KBTBD8: variants seen among roughly 807,000 people sequenced by gnomAD.
KBTBD8 encodes the protein kelch repeat and BTB domain containing 8.
A neutral mutation model predicts 53.5 loss-of-function variants in KBTBD8; 31 were observed. That is an observed-to-expected ratio of 0.58 (90% CI 0.44 to 0.78). KBTBD8 has a LOEUF of 0.78. Ranked by LOEUF, KBTBD8 falls within the 30% of genes least tolerant of loss-of-function variation. The pLI is 0.00. For synonymous variants in KBTBD8, 250 were observed against 247.3 expected, an observed-to-expected ratio of 1.01 and a Z score of -0.10; for missense variants, 642 against 735.8, an observed-to-expected ratio of 0.87 and a Z score of 1.48.
At position 67,008,127 on chromosome 3, in the gene KBTBD8, A is replaced by G. The variant is rs1702085748; in HGVS notation, c.1548A>G (p.Pro516=). 3 of 1,614,114 alleles carry G rather than the reference A, an allele frequency of 1.9e-6. No homozygotes were observed. The highest frequency in any genetic ancestry group is 3.3e-5 in the Admixed American group (2 of 60,006). The change falls in exon 4 of 4, where the codon CCA becomes CCG. Residue 516 remains proline, a synonymous_variant. Coordinates refer to ENST00000417314, the MANE Select transcript of KBTBD8 (RefSeq NM_032505.3). The part of the protein sequence containing the change: ...LNKWTRKKDF[P]CDQSINPYLK... ...AATGGACTCGTAAGAAAGACTTTCC[A>G]TGTGATCAGTCCATAAATCCATACC...
At chr3:67,007,797 T>C in intron 3 of KBTBD8, 125 bp from the exon 4 acceptor site, 1 of 572,776 alleles carries the variant, frequency 1.7e-6, no homozygotes, top group Middle Eastern at 4.6e-4. Context: ...ATAAAAGAAA[T>C]GTTTTAGAAA....
Position 67,003,766 on chromosome 3 carries a change from GA to G in KBTBD8, c.803del (p.Lys268ArgfsTer15). 1 of 1,614,148 alleles carries G rather than the reference GA, an allele frequency of 6.2e-7. No individual in the cohort carries two copies. The highest frequency in any genetic ancestry group is 8.5e-7 in the Non-Finnish European group (1 of 1,180,018). On this transcript the variant is annotated frameshift_variant, in exon 3 of 4. Coordinates refer to ENST00000417314, the MANE Select transcript of KBTBD8 (RefSeq NM_032505.3). LOFTEE classifies it high-confidence loss of function. ...ACAGGCTATAGCCAAAAGCTGTGTA[GA>G]AAAGGGACCATCCAACACCAATGGC... ...FAQAIAKSCV[E>X]KGPSNTNGCT...
At position 67,004,215 on chromosome 3, in the gene KBTBD8, T is replaced by G; in HGVS notation, c.1248T>G (p.Ser416Arg). Residue 416 changes from serine to arginine, a missense_variant, in exon 3 of 4, where the codon AGT (serine) becomes AGG (arginine). Physicochemically the swap from Ser to Arg is moderately radical, Grantham distance 110. Transcript: ENST00000417314. ...TAAAATCTGTTGAGTGCTACGACAG[T>G]AGAGAGAATTGTTGGACGACTGTTT... ...NSLKSVECYD[S>R]RENCWTTVCA... 2 of 1,614,130 alleles carry G rather than the reference T, an allele frequency of 1.2e-6. No homozygotes were observed. The highest frequency in any genetic ancestry group is 2.2e-5 in the South Asian group (2 of 91,082).
intron 3 of KBTBD8, among the ~76,000 whole-genome samples, chr3:67,006,892 T>C (rs1359808165): frequency 2.6e-5 from 4 of 152,338 alleles, no homozygotes; most frequent in Middle Eastern, 3.4e-3. Context: ...ATGCTATAAT[T>C]AGCAAAACTA....
At position 66,998,977 on chromosome 3, in the gene KBTBD8, C is replaced by T. The variant is rs755309893; in HGVS notation, c.17-4C>T. ...TTGTAGTTGTACGATTTTTCTCCTCCTAGATTTAAGTAAGTCTTCCCCAAC... is the reference window on the plus strand; with the variant it reads ...TTGTAGTTGTACGATTTTTCTCCTCTTAGATTTAAGTAAGTCTTCCCCAAC... On this transcript the variant is annotated splice_region_variant and splice_polypyrimidine_tract_variant and intron_variant, in intron 1 of 3. Coordinates refer to ENST00000417314, the MANE Select transcript of KBTBD8 (RefSeq NM_032505.3). The T allele has an allele frequency of 1.3e-6, 2 of 1,587,426 alleles. No homozygotes were observed. Among genetic ancestry groups the T allele is most frequent in the Non-Finnish European group, 1.7e-6 (2 of 1,165,518 alleles).
intron 2 of KBTBD8, among the ~76,000 whole-genome samples, chr3:67,002,027 C>T (rs1418174134): frequency 1.3e-5 from 2 of 151,936 alleles, no homozygotes; most frequent in Non-Finnish European, 2.9e-5. Context: ...CAAGAAAATC[C>T]CATAAATGCA....
chr3:67,004,007 G>C lies in KBTBD8; in HGVS notation c.1040G>C (p.Ser347Thr). ...ATTGCAGGAGGGTACAGGCCAAGCA[G>C]CAGTGAGGTCTCCATCGACCATAAG... ...IYIAGGYRPS[S>T]SEVSIDHKAE... The change falls in exon 3 of 4, where the codon AGC (serine) becomes ACC (threonine). Residue 347 changes from serine (S) to threonine (T), a missense_variant. Transcript: ENST00000417314. 6.2e-7 allele frequency: 1 copy of C among 1,614,180 alleles called. No homozygotes were observed. Among genetic ancestry groups the C allele is most frequent in the African/African-American group, 1.3e-5 (1 of 75,060 alleles).
rs767573265 is a variant in KBTBD8, at chr3:67,007,964, G to C, written c.1385G>C (p.Gly462Ala). 6.2e-7 allele frequency: 1 copy of C among 1,602,154 alleles called. No homozygotes were observed. The highest frequency in any genetic ancestry group is 1.4e-5 in the African/African-American group (1 of 73,782). Residue 462 changes from glycine (G) to alanine (A), a missense_variant, in exon 4 of 4, where the codon GGT (glycine) becomes GCT (alanine). Coordinates refer to ENST00000417314, the MANE Select transcript of KBTBD8 (RefSeq NM_032505.3). ...LFYEPQKDYWGFLTPMTVPRI... is the reference protein window; with the variant it reads ...LFYEPQKDYWAFLTPMTVPRI... ...TATGAGCCTCAAAAAGACTACTGGG[G>C]TTTCTTAACCCCCATGACTGTGCCT... is the stretch of plus-strand genomic sequence containing the variant.
chr3:67,005,943 G>T (rs1702061434), intron 3 of KBTBD8, among the ~76,000 whole-genome samples: 1 of 152,046 alleles, frequency 6.6e-6, no homozygotes, highest in Non-Finnish European at 1.5e-5. Flanking sequence ...TAAAAATTGT[G>T]TTCCTTGCTC....
chr3:67,004,221 GA>G lies in KBTBD8; in HGVS notation c.1256del (p.Asn419IlefsTer46). On this transcript the variant is annotated frameshift_variant, in exon 3 of 4. Transcript: ENST00000417314. LOFTEE classifies it high-confidence loss of function. ...KSVECYDSRENCWTTVCAMPV... is the reference protein window; with the variant it reads ...KSVECYDSREXCWTTVCAMPV... Reference sequence around the variant, plus strand: ...CTGTTGAGTGCTACGACAGTAGAGAGAATTGTTGGACGACTGTTTGCGCGAT... The same window carrying G: ...CTGTTGAGTGCTACGACAGTAGAGAGATTGTTGGACGACTGTTTGCGCGAT... 4 of 1,614,202 alleles carry G rather than the reference GA, an allele frequency of 2.5e-6. No individual in the cohort carries two copies. Among genetic ancestry groups the G allele is most frequent in the Non-Finnish European group, 3.4e-6 (4 of 1,180,030 alleles).
chr3:67,000,049 T>G (rs1702003996), intron 2 of KBTBD8, among the ~76,000 whole-genome samples: 1 of 152,232 alleles, frequency 6.6e-6, no homozygotes. Flanking sequence ...TATTCACAAG[T>G]GGTGCATAAA....
chr3:67,004,015 G>T lies in KBTBD8; in HGVS notation c.1048G>T (p.Val350Phe). 2 of 1,614,194 alleles carry T rather than the reference G, an allele frequency of 1.2e-6. No homozygotes were observed. Among genetic ancestry groups the T allele is most frequent in the Non-Finnish European group, 1.7e-6 (2 of 1,180,040 alleles). The change falls in exon 3 of 4, where the codon GTC (valine) becomes TTC (phenylalanine). Residue 350 changes from valine (V) to phenylalanine (F), a missense_variant. By Grantham distance (50) the Val-to-Phe change is conservative (BLOSUM62 -1). Transcript: ENST00000417314. ...AGGGTACAGGCCAAGCAGCAGTGAG[G>T]TCTCCATCGACCATAAGGCAGAAAA... The part of the protein sequence containing the change: ...AGGYRPSSSE[V>F]SIDHKAENDF...
Position 67,008,916 on chromosome 3 carries a change from T to G in KBTBD8, c.*531T>G, listed in dbSNP as rs1702093906. On this transcript the variant is annotated 3_prime_UTR_variant, in exon 4 of 4. Transcript: ENST00000417314. ...GTACTGAGATTTAAATGTGTTCTAT[T>G]ATTAGAGTAGATCGAAGAAAAAATT... 1 of 152,856 alleles carries G rather than the reference T, an allele frequency of 6.5e-6. No homozygotes were observed. Among genetic ancestry groups the G allele is most frequent in the African/African-American group, 2.4e-5 (1 of 41,446 alleles). The allele number at this position is 152,856 out of a possible 1,614,324, so 9.5% of individuals were successfully genotyped here.
At chr3:67,003,132 A>G in intron 2 of KBTBD8, 63 bp from the exon 3 acceptor site, 1 of 1,494,984 alleles carries the variant, frequency 6.7e-7, no homozygotes, top group Non-Finnish European at 9.1e-7. Flanking sequence ...TACTTTTAAA[A>G]TCTTGCCACA....
chr3:67,008,376 A>C lies in KBTBD8; in HGVS notation c.1797A>C (p.Lys599Asn). 1.9e-6 allele frequency: 3 copies of C among 1,605,348 alleles called. No homozygotes were observed. The highest frequency in any genetic ancestry group is 1.1e-5 in the South Asian group (1 of 90,836). ...AACTGTATCCTCAGTGTCTTCAGAA[A>C]GTACTCTAAATGAGTAGCAGGCCTT... ...VAKLYPQCLQ[K>N]VL The change falls in exon 4 of 4, where the codon AAA becomes AAC. Residue 599 changes from lysine (K) to asparagine (N), a missense_variant. Transcript: ENST00000417314.
At position 67,009,530 on chromosome 3, in the gene KBTBD8, A is replaced by G. The variant is rs1426666879; in HGVS notation, c.*1145A>G. On this transcript the variant is annotated 3_prime_UTR_variant, in exon 4 of 4. Transcript: ENST00000417314. ...AGTTTCATATTACAATTAAAACCTCATTTTTTTTTTCCATTTTTGCACTTA... is the reference window on the plus strand; with the variant it reads ...AGTTTCATATTACAATTAAAACCTCGTTTTTTTTTTCCATTTTTGCACTTA... 6.7e-6 allele frequency: 1 copy of G among 150,214 alleles called. No homozygotes were observed. Among genetic ancestry groups the G allele is most frequent in the Non-Finnish European group, 1.5e-5 (1 of 67,252 alleles). 9.3% of individuals were successfully genotyped at this position (150,214 alleles called of 1,614,324 possible).
rs746720705 is a variant in KBTBD8, at chr3:66,999,202, G to T, written c.227+11G>T. The T allele has an allele frequency of 7.8e-5, 125 of 1,608,568 alleles. No homozygotes were observed. Among genetic ancestry groups the T allele is most frequent in the Non-Finnish European group, 9.4e-5 (110 of 1,175,110 alleles). Reference sequence around the variant, plus strand: ...CAGCCCTTACTTCAGGTATGATGATGGTAGGAACTTCTGTTGGTATCTGCA... The same window carrying T: ...CAGCCCTTACTTCAGGTATGATGATTGTAGGAACTTCTGTTGGTATCTGCA... On this transcript the variant is annotated intron_variant, in intron 2 of 3. Transcript: ENST00000417314.
chr3:67,008,406 C>A lies in KBTBD8; in HGVS notation c.*21C>A. 1 of 1,450,356 alleles carries A rather than the reference C, an allele frequency of 6.9e-7. No individual in the cohort carries two copies. The highest frequency in any genetic ancestry group is 9.5e-7 in the Non-Finnish European group (1 of 1,050,608). 89.8% of individuals were successfully genotyped at this position (1,450,356 alleles called of 1,614,324 possible). On this transcript the variant is annotated 3_prime_UTR_variant, in exon 4 of 4. Coordinates refer to ENST00000417314, the MANE Select transcript of KBTBD8 (RefSeq NM_032505.3). ...TCTAAATGAGTAGCAGGCCTTAGTGCATCACTGGCATCTCATTCTTAGGAA... is the reference window on the plus strand; with the variant it reads ...TCTAAATGAGTAGCAGGCCTTAGTGAATCACTGGCATCTCATTCTTAGGAA...
intron 2 of KBTBD8, 80 bp downstream of exon 2, chr3:66,999,271 A>G (rs1263772191): frequency 4.7e-6 from 5 of 1,074,834 alleles, no homozygotes; most frequent in Non-Finnish European, 7.1e-6. Context: ...TGATGTTTAT[A>G]TTGAGATGCG....
Sources: gnomAD v4.1 joint callset for allele counts (sites outside exome capture counted in the v4.1 genomes callset) on GRCh38, gnomAD v4.1.1 for gene constraint, MANE v1.5 for transcripts, NCBI Gene and HGNC (gene_info 2026-07-23, HGNC 2026-07-21) for gene names.